Variants in CSMD1 observed in about 807,000 individuals in gnomAD.
CSMD1 encodes CUB and sushi domain-containing protein 1.
In CSMD1, 213 loss-of-function variants were observed where a neutral mutation model predicts 417.5. The observed-to-expected ratio is 0.51, with a 90% confidence interval of 0.46 to 0.57. CSMD1 has a LOEUF of 0.57. CSMD1 is among the 20% of genes least tolerant of loss of function. The probability of loss-of-function intolerance (pLI) is 0.00; values close to 1 mark genes in which losing one functional copy is unlikely to be tolerated. For synonymous variants in CSMD1, 2,862 were observed against 1,736.8 expected, an observed-to-expected ratio of 1.65 and a Z score of -16.11; for missense variants, 6,923 against 4,529.7, an observed-to-expected ratio of 1.53 and a Z score of -15.17.
intron 2 of CSMD1, among the ~76,000 whole-genome samples, chr8:4,595,838 A>G (rs1354996844): frequency 1.3e-5 from 2 of 152,170 alleles, no homozygotes; most frequent in Non-Finnish European, 2.9e-5. Flanking sequence ...TCCTTCCTGG[A>G]CACTGACACG....
chr8:4,465,346 C>G (rs185774475), intron 2 of CSMD1, among the ~76,000 whole-genome samples: 2 of 152,080 alleles, frequency 1.3e-5, no homozygotes, highest in African/African-American at 4.8e-5. Flanking sequence ...AAAAAGTGTA[C>G]ATCAGTACAT....
rs539754654 is a variant in CSMD1, at chr8:3,668,167, G to A, written c.1009+40247C>T. On this transcript the variant is annotated intron_variant, in intron 7 of 69. Transcript: ENST00000635120. The stretch of plus-strand genomic sequence containing the variant: ...ACGAATCTACAGGGGTGTGCAGAGG[G>A]GCTGACCTCTGAGATATGTTTCCCA... Among the ~76,000 whole-genome samples the A allele has an allele frequency of 1.4e-4, 21 of 152,208 alleles. No individual in the cohort carries two copies. The South Asian group carries it at 4.2e-3, about 30-fold the overall frequency.
intron 5 of CSMD1, among the ~76,000 whole-genome samples, chr8:3,940,997 C>T (rs895614242): frequency 6.6e-5 from 10 of 151,104 alleles, no homozygotes; most frequent in Admixed American, 3.3e-4. Context: ...TTTTTGGAGG[C>T]ATAATAGATG....
intron 5 of CSMD1, among the ~76,000 whole-genome samples, chr8:3,970,642 T>A (rs1358433043): frequency 1.3e-5 from 2 of 152,220 alleles, no homozygotes; most frequent in Admixed American, 1.3e-4. Flanking sequence ...ATAGATTTGC[T>A]AGAAACATGA....
chr8:4,493,089 A>C (rs1454533092), intron 2 of CSMD1, among the ~76,000 whole-genome samples: 4 of 152,212 alleles, frequency 2.6e-5, no homozygotes, highest in Non-Finnish European at 5.9e-5. Context: ...TTATAAAAGT[A>C]TACTGAACCA....
At chr8:3,938,963 T>A (rs942779820) in intron 5 of CSMD1, among the ~76,000 whole-genome samples, 2 of 152,172 alleles carry the variant, frequency 1.3e-5, no homozygotes, top group African/African-American at 2.4e-5. Context: ...ATAATATTCA[T>A]AGGCAGGGAG....
At chr8:4,255,529 A>T (rs1339830489) in intron 3 of CSMD1, among the ~76,000 whole-genome samples, 1 of 152,224 alleles carries the variant, frequency 6.6e-6, no homozygotes, top group Non-Finnish European at 1.5e-5. Flanking sequence ...ACCGGTTAAA[A>T]GTCGCAATCA....
chr8:4,994,035 A>G (rs1046992501), intron 1 of CSMD1, among the ~76,000 whole-genome samples: 4 of 151,388 alleles, frequency 2.6e-5, no homozygotes, highest in African/African-American at 4.9e-5. Flanking sequence ...TTCCAGCCCA[A>G]CTCGTATTGG....
chr8:3,813,445 A>G (rs527563265), intron 5 of CSMD1, among the ~76,000 whole-genome samples: 3 of 152,268 alleles, frequency 2.0e-5, no homozygotes, highest in East Asian at 3.9e-4. Context: ...AATTAAGTCT[A>G]TAAGCATGGT....
In CSMD1 at chr8:3,834,198, A is replaced by C. The variant is rs149653195; in HGVS notation, c.819-80156T>G. 1.2e-3 allele frequency among the ~76,000 whole-genome samples: 175 copies of C among 152,118 alleles called. 1 individual carries two copies. Among genetic ancestry groups the C allele is most frequent in the South Asian group, 4.8e-3 (23 of 4,816 alleles). On this transcript the variant is annotated intron_variant, in intron 5 of 69. Transcript: ENST00000635120. The stretch of plus-strand genomic sequence containing the variant: ...CCTATTCTATCAACAGTTATTTTAA[A>C]ATTTTTTTTCTTTTATTTTGTAAAG...
At chr8:4,137,536 A>G (rs1174754191) in intron 3 of CSMD1, among the ~76,000 whole-genome samples, 1 of 131,722 alleles carries the variant, frequency 7.6e-6, no homozygotes, top group Non-Finnish European at 1.8e-5. Context: ...TTAATATTCC[A>G]TTTGTATTAT....
intron 5 of CSMD1, among the ~76,000 whole-genome samples, chr8:3,945,028 C>T (rs151128919): frequency 2.8e-4 from 42 of 152,226 alleles, no homozygotes; most frequent in African/African-American, 9.9e-4. Context: ...GTCAGATGTC[C>T]AGGACATCCA....
intron 8 of CSMD1, among the ~76,000 whole-genome samples, chr8:3,594,722 A>G (rs1801011908): frequency 1.3e-5 from 2 of 152,162 alleles, no homozygotes; most frequent in African/African-American, 4.8e-5. Context: ...GTTTAGTCTC[A>G]GGATATTAAC....
intron 5 of CSMD1, among the ~76,000 whole-genome samples, chr8:3,941,123 A>G (rs896571796): frequency 3.3e-5 from 5 of 152,222 alleles, no homozygotes; most frequent in African/African-American, 1.2e-4. Flanking sequence ...AAAATAACTC[A>G]TATGTATACA....
chr8:3,723,967 G>A (rs1301488274), intron 6 of CSMD1, among the ~76,000 whole-genome samples: 1 of 51,452 alleles, frequency 1.9e-5, no homozygotes, highest in East Asian at 3.7e-4. Context: ...TAAGTTTAAT[G>A]TTGTGTGAAA....
In CSMD1 at chr8:4,065,476, A is replaced by G. The variant is rs1361378534; in HGVS notation, c.416-33377T>C. 5.3e-5 allele frequency among the ~76,000 whole-genome samples: 8 copies of G among 152,218 alleles called. No individual in the cohort carries two copies. In the East Asian group the frequency reaches 7.7e-4, roughly 15 times the overall value. ...TTGGCTTTTCTTTTACTGAATGTAC[A>G]TTAGCTAATACAAAGGTCATGACAC... On this transcript the variant is annotated intron_variant, in intron 3 of 69. Transcript: ENST00000635120.
intron 1 of CSMD1, among the ~76,000 whole-genome samples, chr8:4,818,192 C>G (rs980318835): frequency 6.6e-6 from 1 of 152,082 alleles, no homozygotes; most frequent in African/African-American, 2.4e-5. Flanking sequence ...ATCATATCAC[C>G]ATGAGTTCTC....
At position 4,782,470 on chromosome 8, in the gene CSMD1, A is replaced by T. The variant is rs529242466; in HGVS notation, c.86-144912T>A. Among the ~76,000 whole-genome samples, 6 of 152,340 alleles carry T rather than the reference A, an allele frequency of 3.9e-5. No individual in the cohort carries two copies. In the South Asian group the frequency reaches 1.0e-3, roughly 26 times the overall value. ...TATAGAATTTGAACACTTTAGATTT[A>T]AAGAAATCTTATTTAAGGACCAGAA... On this transcript the variant is annotated intron_variant, in intron 1 of 69. Transcript: ENST00000635120.
At chr8:4,365,635 G>C (rs1174403072) in intron 3 of CSMD1, among the ~76,000 whole-genome samples, 1 of 152,142 alleles carries the variant, frequency 6.6e-6, no homozygotes, top group Non-Finnish European at 1.5e-5. Flanking sequence ...GAACACTAAC[G>C]GTGAATTTTA....
Sources: allele counts gnomAD v4.1 joint callset (sites outside exome capture counted in the v4.1 genomes callset), GRCh38; gene constraint gnomAD v4.1.1; transcripts MANE v1.5; gene names NCBI Gene and HGNC (gene_info 2026-07-23, HGNC 2026-07-21).